The following COBL variants were observed in gnomAD, a reference collection of about 807,000 sequenced individuals.
COBL encodes the protein cordon-bleu WH2 repeat protein, also known as protein cordon-bleu.
COBL carries 51 observed loss-of-function variants against 98.8 expected under a neutral mutation model. That is an observed-to-expected ratio of 0.52 (90% CI 0.41 to 0.65). COBL has a LOEUF of 0.65. COBL is among the 30% of genes least tolerant of loss of function. The pLI is 0.00. For synonymous variants in COBL, 634 were observed against 651.7 expected, an observed-to-expected ratio of 0.97 and a Z score of 0.41; for missense variants, 1,617 against 1,617.5, an observed-to-expected ratio of 1.00 and a Z score of 0.01.
intron 6 of COBL, among the ~76,000 whole-genome samples, chr7:51,104,691 C>T (rs572567275): frequency 1.3e-5 from 2 of 152,284 alleles, no homozygotes; most frequent in South Asian, 4.2e-4. Flanking sequence ...CCTGGAGACC[C>T]TGACATCACC....
chr7:51,228,105 T>A (rs1259622254), intron 1 of COBL, among the ~76,000 whole-genome samples: 2 of 152,096 alleles, frequency 1.3e-5, no homozygotes, highest in African/African-American at 4.8e-5. Context: ...CTGTACACCA[T>A]CCACCACATC....
chr7:51,220,600 C>T (rs1227835927), intron 1 of COBL, among the ~76,000 whole-genome samples: 2 of 152,138 alleles, frequency 1.3e-5, no homozygotes, highest in Admixed American at 1.3e-4. Flanking sequence ...CAATTCACCT[C>T]GTGGGGTATT....
chr7:51,272,687 G>A (rs1056204299), intron 1 of COBL, among the ~76,000 whole-genome samples: 1 of 152,092 alleles, frequency 6.6e-6, no homozygotes. Flanking sequence ...GAGGCAAAGG[G>A]TTGCACAAAT....
At chr7:51,226,025 T>G (rs1794146578) in intron 1 of COBL, among the ~76,000 whole-genome samples, 1 of 152,242 alleles carries the variant, frequency 6.6e-6, no homozygotes, top group Non-Finnish European at 1.5e-5. Flanking sequence ...AAAAGCACTA[T>G]GCTTTACATC....
At chr7:51,168,255 C>A (rs1486215794) in intron 5 of COBL, among the ~76,000 whole-genome samples, 1 of 152,064 alleles carries the variant, frequency 6.6e-6, no homozygotes, top group African/African-American at 2.4e-5. Context: ...GGGCAAAAGG[C>A]CGGGCGCTGT....
At chr7:51,060,729 T>C (rs1473950329) in intron 7 of COBL, among the ~76,000 whole-genome samples, 1 of 152,162 alleles carries the variant, frequency 6.6e-6, no homozygotes, top group African/African-American at 2.4e-5. Context: ...CCGATGGGTC[T>C]TAGGTCCAGA....
chr7:51,222,546 C>G (rs977684526), intron 1 of COBL, among the ~76,000 whole-genome samples: 34 of 152,098 alleles, frequency 2.2e-4, no homozygotes, highest in Admixed American at 3.9e-4. Flanking sequence ...ATTTTAACCA[C>G]TATGTTATTC....
At chr7:51,065,861 A>G (rs1207020204) in intron 7 of COBL, among the ~76,000 whole-genome samples, 2 of 152,240 alleles carry the variant, frequency 1.3e-5, no homozygotes, top group Non-Finnish European at 2.9e-5. Context: ...CTCATCCAAC[A>G]GGACTGGTGT....
intron 1 of COBL, among the ~76,000 whole-genome samples, chr7:51,315,247 G>A (rs76638951): frequency 0.013 from 1,809 of 137,098 alleles, 37 homozygotes; most frequent in African/African-American, 0.043. Context: ...ATAACCACCA[G>A]TAAGTGCACT....
At chr7:51,176,382 T>C (rs746943409) in intron 5 of COBL, among the ~76,000 whole-genome samples, 14 of 152,160 alleles carry the variant, frequency 9.2e-5, no homozygotes, top group Non-Finnish European at 1.8e-4. Flanking sequence ...ATAACTGATA[T>C]TTGGGATATA....
chr7:51,316,259 G>A, intron 1 of COBL: 1 of 221,014 alleles, frequency 4.5e-6, no homozygotes, highest in Non-Finnish European at 8.8e-6. Context: ...AACACTTGGG[G>A]GGCCTGAGGA....
At chr7:51,259,484 GC>G in intron 1 of COBL, 2 of 601,346 alleles carry the variant, frequency 3.3e-6, no homozygotes, top group East Asian at 3.3e-5. Context: ...GCCAGGTGGG[GC>G]CCATCTCCTT....
At chr7:51,211,823 G>A (rs915404858) in intron 2 of COBL, among the ~76,000 whole-genome samples, 15 of 152,150 alleles carry the variant, frequency 9.9e-5, no homozygotes, top group African/African-American at 2.9e-4. Context: ...CCATAGGATC[G>A]CCATTTTCAT....
chr7:51,228,332 T>C (rs1794404273), intron 1 of COBL, among the ~76,000 whole-genome samples: 1 of 149,066 alleles, frequency 6.7e-6, no homozygotes, highest in Non-Finnish European at 1.5e-5. Context: ...GAGACACAGG[T>C]AGCACTCAAT....
chr7:51,261,866 T>C (rs989477970), intron 1 of COBL, among the ~76,000 whole-genome samples: 1 of 152,164 alleles, frequency 6.6e-6, no homozygotes, highest in African/African-American at 2.4e-5. Flanking sequence ...GAGAATCACT[T>C]GAACCCAGGA....
intron 7 of COBL, chr7:51,065,473 A>C: frequency 1.5e-6 from 1 of 689,104 alleles, no homozygotes; most frequent in Non-Finnish European, 2.7e-6. Flanking sequence ...GAGGAAATTC[A>C]AAGTCAGGGC....
intron 6 of COBL, among the ~76,000 whole-genome samples, chr7:51,108,779 C>T (rs560686446): frequency 2.0e-5 from 3 of 152,266 alleles, no homozygotes; most frequent in Admixed American, 1.3e-4. Context: ...AAACTCAGCC[C>T]TCCCTGGGGC....
intron 1 of COBL, among the ~76,000 whole-genome samples, chr7:51,224,646 C>G (rs1005411113): frequency 1.3e-5 from 2 of 151,934 alleles, no homozygotes; most frequent in Non-Finnish European, 2.9e-5. Context: ...AACTGACAGA[C>G]AGCACACCAC....
chr7:51,177,967 GAAA>G (rs1788562690), intron 5 of COBL, among the ~76,000 whole-genome samples: 1 of 152,020 alleles, frequency 6.6e-6, no homozygotes, highest in Admixed American at 6.6e-5. Flanking sequence ...CCAATATGGT[GAAA>G]CCCGGTCTCT....
Sources: gnomAD v4.1 joint callset for allele counts (sites outside exome capture counted in the v4.1 genomes callset) on GRCh38, gnomAD v4.1.1 for gene constraint, MANE v1.5 for transcripts, NCBI Gene and HGNC (gene_info 2026-07-23, HGNC 2026-07-21) for gene names.